ADAMTS16: variants seen among roughly 807,000 people sequenced by gnomAD.
ADAMTS16 encodes ADAM metallopeptidase with thrombospondin type 1 motif 16.
A neutral mutation model predicts 145.8 loss-of-function variants in ADAMTS16; 94 were observed. The ratio of observed to expected loss-of-function variants is 0.64; its 90% confidence interval spans 0.55 to 0.77. The LOEUF (loss-of-function observed/expected upper bound fraction) is 0.77. ADAMTS16 is among the 30% of genes least tolerant of loss of function. ADAMTS16 has a pLI of 0.00. For missense variants in ADAMTS16, 1,585 were observed against 1,591.5 expected (o/e 1.00, Z 0.07); for synonymous variants, 659 against 604.3 (o/e 1.09, Z -1.33).
intron 18 of ADAMTS16, among the ~76,000 whole-genome samples, chr5:5,288,380 C>A (rs1739179410): frequency 6.6e-6 from 1 of 152,084 alleles, no homozygotes; most frequent in African/African-American, 2.4e-5. Context: ...CCTAGAATGC[C>A]ACGTAAAAGG....
chr5:5,206,837 G>T (rs1415549951), intron 9 of ADAMTS16, among the ~76,000 whole-genome samples: 2 of 152,082 alleles, frequency 1.3e-5, no homozygotes, highest in Non-Finnish European at 2.9e-5. Context: ...AGTTTAAAAG[G>T]CTATCTTTTC....
intron 10 of ADAMTS16, among the ~76,000 whole-genome samples, chr5:5,217,941 A>T (rs1736482177): frequency 6.6e-6 from 1 of 152,196 alleles, no homozygotes; most frequent in Non-Finnish European, 1.5e-5. Flanking sequence ...TTGCTTTGAA[A>T]TTTGATCACC....
intron 3 of ADAMTS16, among the ~76,000 whole-genome samples, chr5:5,168,352 C>CATT (rs70965930): frequency 0.039 from 5,417 of 139,752 alleles, 123 homozygotes; most frequent in African/African-American, 0.061. Flanking sequence ...TTATCCGAAA[C>CATT]ATTATTATTA....
chr5:5,213,719 A>G (rs908892337), intron 10 of ADAMTS16, among the ~76,000 whole-genome samples: 1 of 152,130 alleles, frequency 6.6e-6, no homozygotes, highest in Non-Finnish European at 1.5e-5. Context: ...CTGAATGCCC[A>G]GGATGCTCAT....
intron 18 of ADAMTS16, among the ~76,000 whole-genome samples, chr5:5,286,726 C>T (rs1437409847): frequency 7.9e-5 from 12 of 151,568 alleles, no homozygotes; most frequent in South Asian, 2.1e-4. Context: ...GGTGCGGTGG[C>T]GAGCACCTGT....
At chr5:5,200,342 G>T in intron 9 of ADAMTS16, 73 bp downstream of exon 9, 1 of 1,579,866 alleles carries the variant, frequency 6.3e-7, no homozygotes, top group Non-Finnish European at 8.6e-7. Flanking sequence ...GCCAGATCCT[G>T]TGCAAGCAGC....
At position 5,239,195 on chromosome 5, in the gene ADAMTS16, C is replaced by T. The variant is rs559893778; in HGVS notation, c.2199C>T (p.Asp733=). The T allele has an allele frequency of 1.3e-5, 21 of 1,598,372 alleles. No homozygotes were observed. In the East Asian group the frequency reaches 1.4e-4, roughly 10 times the overall value. The part of the protein sequence containing the change: ...DNVLGSDAVE[D]VCGVCNGNNS... ...TCCTTGGATCTGATGCTGTTGAAGA[C>T]GTCTGTGGGGTGTGTAACGGGAATA... The change falls in exon 15 of 23, where the codon GAC becomes GAT. Residue 733 remains aspartate (D), a synonymous_variant. Transcript: ENST00000274181.
chr5:5,162,801 A>G (rs1232568129), intron 3 of ADAMTS16, among the ~76,000 whole-genome samples: 2 of 152,118 alleles, frequency 1.3e-5, no homozygotes, highest in South Asian at 4.1e-4. Flanking sequence ...AAGAGAGAAT[A>G]TGGTAGACAG....
chr5:5,267,064 T>G (rs2399734), intron 18 of ADAMTS16, among the ~76,000 whole-genome samples: 42,594 of 152,092 alleles, frequency 0.28, 6,038 homozygotes, highest in East Asian at 0.37. Flanking sequence ...GAATTGAAAC[T>G]GGAGGAGCTC....
At chr5:5,145,336 T>C (rs1212422710) in intron 2 of ADAMTS16, among the ~76,000 whole-genome samples, 5 of 152,240 alleles carry the variant, frequency 3.3e-5, no homozygotes, top group Non-Finnish European at 7.3e-5. Flanking sequence ...TTGATAATAA[T>C]CTAGGCTCTT....
rs1254627732 is a variant in ADAMTS16, at chr5:5,140,751, T to C, written c.160T>C (p.Trp54Arg). 4.5e-6 allele frequency: 7 copies of C among 1,565,698 alleles called. No individual in the cohort carries two copies. The highest frequency in any genetic ancestry group is 1.9e-5 in the Admixed American group (1 of 53,180). ...TCCTCCACCCGCGGAGCGGCCGGGC[T>C]GGATGGAAAAGGGCGGTAAGTCCGT... ...RPPPPAERPG[W>R]MEKGEYDLVS... Residue 54 changes from tryptophan to arginine, a missense_variant, in exon 2 of 23, where the codon TGG becomes CGG. Around this residue, in one of 3 missense-constraint regions of ADAMTS16, gnomAD observed 453 missense variants for 412.1 expected, o/e 1.10. Coordinates refer to ENST00000274181, the MANE Select transcript of ADAMTS16 (RefSeq NM_139056.4).
At chr5:5,158,250 T>C (rs999480750) in intron 3 of ADAMTS16, among the ~76,000 whole-genome samples, 1 of 152,162 alleles carries the variant, frequency 6.6e-6, no homozygotes, top group Admixed American at 6.5e-5. Context: ...GGCAGCACCA[T>C]GATTGTTACG....
intron 21 of ADAMTS16, among the ~76,000 whole-genome samples, chr5:5,313,162 A>G (rs186564301): frequency 6.6e-6 from 1 of 152,286 alleles, no homozygotes; most frequent in East Asian, 1.9e-4. Context: ...TTCATCTGCT[A>G]TGTTCTGAGG....
intron 3 of ADAMTS16, among the ~76,000 whole-genome samples, chr5:5,147,396 G>A (rs1371831312): frequency 6.6e-6 from 1 of 152,156 alleles, no homozygotes; most frequent in African/African-American, 2.4e-5. Flanking sequence ...CCTCTTTGAG[G>A]AGAGGGAATT....
intron 20 of ADAMTS16, among the ~76,000 whole-genome samples, chr5:5,304,694 G>T (rs1739954392): frequency 6.6e-6 from 1 of 152,064 alleles, no homozygotes; most frequent in South Asian, 2.1e-4. Context: ...CTCTGTTTCA[G>T]TTTGTTACTA....
intron 18 of ADAMTS16, 138 bp from the exon 19 acceptor site, chr5:5,303,130 G>A: frequency 1.1e-6 from 1 of 915,970 alleles, no homozygotes; most frequent in Non-Finnish European, 1.6e-6. Flanking sequence ...GCTCACCCAG[G>A]AAAGGTGGAA....
chr5:5,308,985 A>G (rs1408465604), intron 21 of ADAMTS16, among the ~76,000 whole-genome samples: 6 of 151,892 alleles, frequency 4.0e-5, no homozygotes, highest in African/African-American at 1.4e-4. Context: ...GGATCACATG[A>G]AAACCATCAA....
intron 3 of ADAMTS16, among the ~76,000 whole-genome samples, chr5:5,147,017 G>A (rs1478977480): frequency 1.3e-5 from 2 of 152,102 alleles, no homozygotes; most frequent in Non-Finnish European, 1.5e-5. Flanking sequence ...CCTGCATATC[G>A]GGTTTGGAAT....
chr5:5,181,170 C>T (rs928263292), intron 3 of ADAMTS16, among the ~76,000 whole-genome samples: 1 of 152,072 alleles, frequency 6.6e-6, no homozygotes, highest in Non-Finnish European at 1.5e-5. Context: ...CGAGAATTCC[C>T]AAAAGTTAAC....
Sources: allele counts gnomAD v4.1 joint callset (sites outside exome capture counted in the v4.1 genomes callset), GRCh38; gene constraint gnomAD v4.1.1; regional missense constraint gnomAD v4.1.1; transcripts MANE v1.5; gene names NCBI Gene and HGNC (gene_info 2026-07-23, HGNC 2026-07-21).